FASTKD1: variants seen among roughly 807,000 people sequenced by gnomAD.
The protein encoded by FASTKD1 is FAST kinase domains 1.
A neutral mutation model predicts 90.9 loss-of-function variants in FASTKD1; 94 were observed. That is an observed-to-expected ratio of 1.03 (90% CI 0.88 to 1.23). The LOEUF is 1.23. Ranked by LOEUF, FASTKD1 falls within the 50% of genes most tolerant of loss-of-function variation. FASTKD1 has a pLI of 0.00. For missense variants in FASTKD1, 945 were observed against 993.5 expected (o/e 0.95, Z 0.66); for synonymous variants, 319 against 345.8 (o/e 0.92, Z 0.86).
At chr2:169,545,000 AC>A (rs1210652291) in intron 8 of FASTKD1, among the ~76,000 whole-genome samples, 165 bp from the exon 9 acceptor site, 1 of 152,176 alleles carries the variant, frequency 6.6e-6, no homozygotes, top group Non-Finnish European at 1.5e-5. Context: ...AATTTATTTA[AC>A]CCCACCAACA....
Position 169,529,887 on chromosome 2 carries a change from T to C in FASTKD1, c.2482A>G (p.Lys828Glu). The change falls in exon 15 of 15, where the codon AAG becomes GAG. Residue 828 changes from lysine (K) to glutamate (E), a missense_variant. By Grantham distance (56) the Lys-to-Glu change is moderately conservative. Transcript: ENST00000453153. ...FEWNSMALST[K>E]DARMDYLREC... ...CTCAGGTAGTCCATCCGAGCATCCT[T>C]TGTTGACAGTGCCATAGAGTTCCAT... is the stretch of plus-strand genomic sequence containing the variant. 1.9e-6 allele frequency: 3 copies of C among 1,613,690 alleles called. No homozygotes were observed. The highest frequency in any genetic ancestry group is 2.5e-6 in the Non-Finnish European group (3 of 1,179,756).
At chr2:169,553,689 G>A (rs1416580922) in intron 7 of FASTKD1, among the ~76,000 whole-genome samples, 2 of 152,016 alleles carry the variant, frequency 1.3e-5, no homozygotes, top group Non-Finnish European at 1.5e-5. Context: ...AGGCTGAGGC[G>A]GGCAGACCAC....
chr2:169,544,205 G>C (rs976702076), intron 9 of FASTKD1, among the ~76,000 whole-genome samples: 35 of 152,156 alleles, frequency 2.3e-4, no homozygotes, highest in Non-Finnish European at 1.9e-4. Context: ...AATCTACACG[G>C]TGAGTATATA....
chr2:169,548,974 G>A (rs1437302192), intron 7 of FASTKD1, among the ~76,000 whole-genome samples: 3 of 151,660 alleles, frequency 2.0e-5, no homozygotes, highest in Non-Finnish European at 2.9e-5. Context: ...GTGGGTGCCT[G>A]TAGTCCCAGC....
In FASTKD1 at chr2:169,560,660, C is replaced by T; in HGVS notation, c.698G>A (p.Ser233Asn). The change falls in exon 5 of 15, where the codon AGC becomes AAC. Residue 233 changes from serine (S) to asparagine (N), a missense_variant. Ser to Asn is a conservative substitution (Grantham distance 46). Transcript: ENST00000453153. ...IDSSEVNVAK[S>N]IAKFLRNVRY... ...AACATTTCGAAGAAACTTTGCTATG[C>T]TTTTTGCAACGTTGACCTCAGAAGA... 1.2e-6 allele frequency: 2 copies of T among 1,613,064 alleles called. No individual in the cohort carries two copies. The highest frequency in any genetic ancestry group is 1.7e-6 in the Non-Finnish European group (2 of 1,179,736).
At chr2:169,561,835 TG>T in intron 4 of FASTKD1, among the ~76,000 whole-genome samples, 1 of 145,946 alleles carries the variant, frequency 6.9e-6, no homozygotes, top group Non-Finnish European at 1.5e-5. Context: ...ATTAATTTAT[TG>T]TAAATTATTT....
At chr2:169,539,161 G>A (rs745884868) in intron 10 of FASTKD1, among the ~76,000 whole-genome samples, 4 of 151,778 alleles carry the variant, frequency 2.6e-5, no homozygotes, top group Non-Finnish European at 4.4e-5. Context: ...CCCGCTACTC[G>A]AGAGGCTGAA....
At chr2:169,537,935 T>C (rs1684794799) in intron 11 of FASTKD1, 78 bp downstream of exon 11, 3 of 1,269,382 alleles carry the variant, frequency 2.4e-6, no homozygotes, top group African/African-American at 1.5e-5. Flanking sequence ...TGTTTAAGTA[T>C]AACAAGATTA....
Position 169,530,916 on chromosome 2 carries a change from A to G in FASTKD1, c.2328-215T>C. On this transcript the variant is annotated intron_variant, in intron 13 of 14. Transcript: ENST00000453153. Reference sequence around the variant, plus strand: ...TGTAAATATTTGTCTGCTTTCATCCATTTTTTTGGTCCAATATATATTTAC... The same window carrying G: ...TGTAAATATTTGTCTGCTTTCATCCGTTTTTTTGGTCCAATATATATTTAC... The G allele has an allele frequency of 4.3e-6, 3 of 697,600 alleles. No individual in the cohort carries two copies. In the East Asian group the frequency reaches 8.3e-5, roughly 19 times the overall value. The allele number at this position is 697,600 out of a possible 1,614,324, so 43.2% of individuals were successfully genotyped here. A position where few individuals can be genotyped will look rare whatever the true frequency, so the allele number is the denominator to read the frequency against.
rs763756357 is a variant in FASTKD1, at chr2:169,563,184, G to A, written c.572+41C>T. 11 of 1,590,632 alleles carry A rather than the reference G, an allele frequency of 6.9e-6. No homozygotes were observed. In the African/African-American group the frequency reaches 1.5e-4, roughly 22 times the overall value. ...GACTGCATCCACATCCAAAGCCCAG[G>A]ATCTTTCCACCACAACACAAGATTC... On this transcript the variant is annotated intron_variant, in intron 4 of 14. Transcript: ENST00000453153.
Position 169,529,538 on chromosome 2 carries a change from G to A in FASTKD1, c.*287C>T, listed in dbSNP as rs1055488618. Reference sequence around the variant, plus strand: ...GTAGCCAAAGTAACGCAGTTAAAATGTGAATTCATATCATTCCTTACTTGA... The same window carrying A: ...GTAGCCAAAGTAACGCAGTTAAAATATGAATTCATATCATTCCTTACTTGA... On this transcript the variant is annotated 3_prime_UTR_variant, in exon 15 of 15. Transcript: ENST00000453153. Among the ~76,000 whole-genome samples the A allele has an allele frequency of 1.3e-5, 2 of 152,164 alleles. No homozygotes were observed. Among genetic ancestry groups the A allele is most frequent in the African/African-American group, 2.4e-5 (1 of 41,434 alleles).
chr2:169,552,830 A>C (rs1685550340), intron 7 of FASTKD1, among the ~76,000 whole-genome samples: 1 of 152,174 alleles, frequency 6.6e-6, no homozygotes, highest in African/African-American at 2.4e-5. Flanking sequence ...TGCACTTAAA[A>C]TCTCAGAATT....
chr2:169,557,269 C>G lies in FASTKD1; in HGVS notation c.1000G>C (p.Glu334Gln). The G allele has an allele frequency of 1.9e-6, 3 of 1,609,088 alleles. No individual in the cohort carries two copies. The highest frequency in any genetic ancestry group is 1.7e-6 in the Non-Finnish European group (2 of 1,177,724). The change falls in exon 6 of 15, where the codon GAG (glutamate) becomes CAG (glutamine). Residue 334 changes from glutamate to glutamine, a missense_variant. Physicochemically the swap from Glu to Gln is conservative, Grantham distance 29 (BLOSUM62 2). Coordinates refer to ENST00000453153, the MANE Select transcript of FASTKD1 (RefSeq NM_024622.6). Reference sequence around the variant, plus strand: ...AGGGCTTGCTCGCCAGTTAGGTCCTCTGACATCAATAACATAGTTGATTTA... The same window carrying G: ...AGGGCTTGCTCGCCAGTTAGGTCCTGTGACATCAATAACATAGTTGATTTA... ...QLKSTMLLMS[E>Q]DLTGEQALAV...
chr2:169,560,822 A>G, intron 4 of FASTKD1, 37 bp from the exon 5 acceptor site: 1 of 1,215,060 alleles, frequency 8.2e-7, no homozygotes, highest in Non-Finnish European at 1.1e-6. Flanking sequence ...TTTTACATCA[A>G]TTAAGAATGA....
intron 4 of FASTKD1, among the ~76,000 whole-genome samples, chr2:169,562,014 T>A (rs1462838967): frequency 8.5e-6 from 1 of 117,410 alleles, no homozygotes; most frequent in African/African-American, 2.9e-5. Context: ...CATTAATTTA[T>A]TGTAAATTAA....
chr2:169,534,839 G>A (rs1178988867), intron 12 of FASTKD1, among the ~76,000 whole-genome samples: 2 of 151,908 alleles, frequency 1.3e-5, no homozygotes, highest in Middle Eastern at 3.4e-3. Context: ...AAACACTACA[G>A]AAGAAAACCT....
chr2:169,529,317 T>C lies in FASTKD1; in HGVS notation c.*508A>G, dbSNP rs111371628. 4.6e-5 allele frequency among the ~76,000 whole-genome samples: 7 copies of C among 152,290 alleles called. No homozygotes were observed. The highest frequency in any genetic ancestry group is 4.8e-5 in the African/African-American group (2 of 41,552). On this transcript the variant is annotated 3_prime_UTR_variant, in exon 15 of 15. Coordinates refer to ENST00000453153, the MANE Select transcript of FASTKD1 (RefSeq NM_024622.6). Reference sequence around the variant, plus strand: ...TGACTCCTATTTGTCTCATACCTCATATCCAATCAGTGAGCAAATTCTGTT... The same window carrying C: ...TGACTCCTATTTGTCTCATACCTCACATCCAATCAGTGAGCAAATTCTGTT...
At chr2:169,557,893 G>A (rs1290649201) in intron 5 of FASTKD1, among the ~76,000 whole-genome samples, 4 of 152,176 alleles carry the variant, frequency 2.6e-5, no homozygotes, top group African/African-American at 7.2e-5. Flanking sequence ...AAGCAAGCTC[G>A]AAACGTGACA....
intron 7 of FASTKD1, among the ~76,000 whole-genome samples, chr2:169,547,076 T>G (rs1321555322): frequency 3.3e-5 from 5 of 152,236 alleles, no homozygotes; most frequent in African/African-American, 1.2e-4. Flanking sequence ...GCAACCGGCT[T>G]CAAGTTGGGT....
Sources: gnomAD v4.1 joint callset for allele counts (sites outside exome capture counted in the v4.1 genomes callset) on GRCh38, gnomAD v4.1.1 for gene constraint, MANE v1.5 for transcripts, NCBI Gene and HGNC (gene_info 2026-07-23, HGNC 2026-07-21) for gene names.